CDKAL1: variants seen among roughly 807,000 people sequenced by gnomAD.
CDKAL1 encodes CDKAL1 threonylcarbamoyladenosine tRNA methylthiotransferase, also known as threonylcarbamoyladenosine tRNA methylthiotransferase.
A neutral mutation model predicts 68.2 loss-of-function variants in CDKAL1; 32 were observed. The observed-to-expected ratio is 0.47, with a 90% confidence interval of 0.35 to 0.63. CDKAL1 has a LOEUF of 0.63. Among genes scored for constraint, CDKAL1 ranks in the 30% least tolerant of loss-of-function variants. CDKAL1 has a pLI of 0.00. For synonymous variants in CDKAL1, 234 were observed against 244.3 expected, an observed-to-expected ratio of 0.96 and a Z score of 0.39; for missense variants, 606 against 696.7, an observed-to-expected ratio of 0.87 and a Z score of 1.47.
chr6:21,063,591 G>A (rs920860047), intron 11 of CDKAL1, among the ~76,000 whole-genome samples: 12 of 152,052 alleles, frequency 7.9e-5, no homozygotes, highest in Admixed American at 7.2e-4. Context: ...GTGAACAGAA[G>A]AAAAATTACA....
At chr6:21,192,355 G>T (rs554992137) in intron 13 of CDKAL1, among the ~76,000 whole-genome samples, 3 of 152,202 alleles carry the variant, frequency 2.0e-5, no homozygotes, top group Middle Eastern at 3.4e-3. Flanking sequence ...TTTAAATAAC[G>T]TTAAAATGAT....
At chr6:20,726,344 G>A (rs1772656146) in intron 5 of CDKAL1, among the ~76,000 whole-genome samples, 1 of 152,082 alleles carries the variant, frequency 6.6e-6, no homozygotes, top group East Asian at 1.9e-4. Context: ...CACCAATCCA[G>A]TATATACCTC....
At chr6:20,768,282 A>G (rs1262982909) in intron 7 of CDKAL1, among the ~76,000 whole-genome samples, 1 of 152,136 alleles carries the variant, frequency 6.6e-6, no homozygotes, top group East Asian at 1.9e-4. Flanking sequence ...CCTGAGTTGC[A>G]AATTGTATCA....
At chr6:21,160,620 G>C (rs1202912502) in intron 13 of CDKAL1, among the ~76,000 whole-genome samples, 1 of 139,744 alleles carries the variant, frequency 7.2e-6, no homozygotes, top group African/African-American at 2.6e-5. Flanking sequence ...TTTATTCACT[G>C]TAATTTTTGG....
intron 13 of CDKAL1, among the ~76,000 whole-genome samples, chr6:21,195,537 G>T (rs534678900): frequency 1.4e-5 from 2 of 147,464 alleles, no homozygotes; most frequent in Non-Finnish European, 3.0e-5. Context: ...TTGAGACAGG[G>T]TCTTATTCAG....
intron 13 of CDKAL1, among the ~76,000 whole-genome samples, chr6:21,156,690 T>C (rs910868994): frequency 6.6e-6 from 1 of 152,086 alleles, no homozygotes. Context: ...ACGATGGATG[T>C]AAGGAAGATA....
chr6:20,733,739 T>G (rs1356010591), intron 5 of CDKAL1, among the ~76,000 whole-genome samples: 1 of 152,216 alleles, frequency 6.6e-6, no homozygotes, highest in Non-Finnish European at 1.5e-5. Context: ...CTATGGAAAC[T>G]GTGGGACTTT....
chr6:20,624,321 A>G (rs1275603124), intron 4 of CDKAL1, among the ~76,000 whole-genome samples: 2 of 152,024 alleles, frequency 1.3e-5, no homozygotes, highest in Non-Finnish European at 2.9e-5. Context: ...ACTGTTCATC[A>G]TTAGCCATAC....
At chr6:21,006,903 A>T (rs1767754970) in intron 11 of CDKAL1, among the ~76,000 whole-genome samples, 1 of 152,190 alleles carries the variant, frequency 6.6e-6, no homozygotes, top group Non-Finnish European at 1.5e-5. Context: ...TTCAGAAATC[A>T]TCGTCTCTTA....
At chr6:21,109,221 A>G (rs746740185) in intron 13 of CDKAL1, among the ~76,000 whole-genome samples, 3 of 152,256 alleles carry the variant, frequency 2.0e-5, no homozygotes, top group East Asian at 1.9e-4. Context: ...CTTCTAAACC[A>G]TGTAGGATTC....
intron 9 of CDKAL1, among the ~76,000 whole-genome samples, chr6:20,939,515 A>G (rs4710959): frequency 0.18 from 27,140 of 152,228 alleles, 2,795 homozygotes; most frequent in Admixed American, 0.26. Flanking sequence ...GGCAGACTTA[A>G]TAGAGGTAAT....
intron 9 of CDKAL1, among the ~76,000 whole-genome samples, chr6:20,873,205 G>T (rs1305809635): frequency 2.6e-5 from 4 of 152,162 alleles, no homozygotes; most frequent in Non-Finnish European, 5.9e-5. Context: ...GATCATTGAT[G>T]TGGCAGTTAG....
chr6:20,862,917 C>T (rs1339484945), intron 9 of CDKAL1, among the ~76,000 whole-genome samples: 1 of 152,132 alleles, frequency 6.6e-6, no homozygotes, highest in Non-Finnish European at 1.5e-5. Flanking sequence ...ATCCCAGCTA[C>T]TTGGAAGGCT....
At chr6:21,079,760 ACCAGGC>A (rs1772275449) in intron 12 of CDKAL1, among the ~76,000 whole-genome samples, 1 of 152,140 alleles carries the variant, frequency 6.6e-6, no homozygotes, top group South Asian at 2.1e-4. Context: ...TACTTCCTGG[ACCAGGC>A]CCAACCTCTT....
intron 13 of CDKAL1, among the ~76,000 whole-genome samples, chr6:21,173,344 T>G (rs1380963717): frequency 2.6e-5 from 4 of 152,188 alleles, no homozygotes; most frequent in Non-Finnish European, 5.9e-5. Context: ...GGTCTGATCT[T>G]TTCTATTTTT....
intron 9 of CDKAL1, among the ~76,000 whole-genome samples, chr6:20,867,085 T>C (rs1019600786): frequency 6.6e-5 from 10 of 152,222 alleles, no homozygotes; most frequent in African/African-American, 2.4e-4. Flanking sequence ...TTGAATTTCC[T>C]GAGGCTTCAA....
At chr6:21,070,123 C>CT (rs34600664) in intron 12 of CDKAL1, among the ~76,000 whole-genome samples, 22,655 of 151,986 alleles carry the variant, frequency 0.15, 2,172 homozygotes, top group East Asian at 0.33. Context: ...GTTACACACC[C>CT]TTTCTAATCT....
intron 9 of CDKAL1, among the ~76,000 whole-genome samples, chr6:20,869,908 C>T (rs527340367): frequency 1.3e-5 from 2 of 152,140 alleles, no homozygotes; most frequent in African/African-American, 4.8e-5. Context: ...CAAAATAAGA[C>T]GATCTAGCAT....
chr6:20,636,608 G>A (rs990642247), intron 4 of CDKAL1, among the ~76,000 whole-genome samples: 1 of 152,154 alleles, frequency 6.6e-6, no homozygotes, highest in Non-Finnish European at 1.5e-5. Flanking sequence ...AGGGATGGAT[G>A]GGATCATCTA....
Sources: gnomAD v4.1 joint callset for allele counts (sites outside exome capture counted in the v4.1 genomes callset) on GRCh38, gnomAD v4.1.1 for gene constraint, MANE v1.5 for transcripts, NCBI Gene and HGNC (gene_info 2026-07-23, HGNC 2026-07-21) for gene names.